SRGAP3: variants seen among roughly 807,000 people sequenced by gnomAD.
SRGAP3 encodes the protein SLIT-ROBO Rho GTPase-activating protein 3.
Under a neutral mutation model 121.1 loss-of-function variants are expected in SRGAP3, and 39 were observed. That is an observed-to-expected ratio of 0.32 (90% CI 0.25 to 0.42). SRGAP3 has a LOEUF of 0.42. Among genes scored for constraint, SRGAP3 ranks in the 10% least tolerant of loss-of-function variants. SRGAP3 has a pLI of 1.00. For synonymous variants in SRGAP3, 601 were observed against 570.0 expected (o/e 1.05, Z -0.77); for missense variants, 1,213 against 1,470.6 (o/e 0.82, Z 2.86).
At chr3:9,346,339 G>A (rs1237394493) in intron 1 of SRGAP3, among the ~76,000 whole-genome samples, 1 of 152,080 alleles carries the variant, frequency 6.6e-6, no homozygotes, top group African/African-American at 2.4e-5. Context: ...GAACTCCTGG[G>A]CTCAAGTGTT....
At chr3:9,238,020 A>T (rs1415457540) in intron 1 of SRGAP3, among the ~76,000 whole-genome samples, 1 of 152,180 alleles carries the variant, frequency 6.6e-6, no homozygotes, top group Non-Finnish European at 1.5e-5. Context: ...GATTGTCACA[A>T]CTGGGAGCAG....
rs1012246325 is a variant in SRGAP3 at position 9,101,707 on chromosome 3, A to G, written c.423+2973T>C. 1.4e-3 allele frequency among the ~76,000 whole-genome samples: 216 copies of G among 152,294 alleles called. 1 individual carries two copies. The highest frequency in any genetic ancestry group is 4.9e-3 in the African/African-American group (205 of 41,560). The stretch of plus-strand genomic sequence containing the variant: ...GTTCCTCTGAAGCCCCGCATGCCCG[A>G]AGCCAGGCTTATAACTAGTAAGGTC... On this transcript the variant is annotated intron_variant, in intron 3 of 21. Transcript: ENST00000383836.
At chr3:9,079,928 T>C (rs1947160952) in intron 4 of SRGAP3, 97 bp downstream of exon 4, 2 of 1,364,072 alleles carry the variant, frequency 1.5e-6, no homozygotes, top group Non-Finnish European at 1.0e-6. Flanking sequence ...AAAAAAGGCC[T>C]GGGGTCATTC....
chr3:9,015,750 C>T lies in SRGAP3; in HGVS notation c.1679-19G>A, dbSNP rs181811884. The T allele has an allele frequency of 4.8e-5, 78 of 1,613,908 alleles. No homozygotes were observed. Among genetic ancestry groups the T allele is most frequent in the Non-Finnish European group, 5.6e-5 (66 of 1,179,994 alleles). On this transcript the variant is annotated intron_variant, in intron 14 of 21. Coordinates refer to ENST00000383836, the MANE Select transcript of SRGAP3 (RefSeq NM_014850.4). ...TCTTCACCTGAGTGGAAACAAGAGA[C>T]GAGATGATATTTCAGCTTGGGAAGG...
intron 2 of SRGAP3, among the ~76,000 whole-genome samples, chr3:9,327,777 T>C (rs1955543616): frequency 6.6e-6 from 1 of 152,256 alleles, no homozygotes. Flanking sequence ...ATTTCTGGCA[T>C]AAATTCCATT....
At chr3:9,334,121 G>C (rs1005853311) in intron 1 of SRGAP3, among the ~76,000 whole-genome samples, 7 of 151,842 alleles carry the variant, frequency 4.6e-5, no homozygotes, top group African/African-American at 1.7e-4. Context: ...TGCTGTAAGA[G>C]TCAAACTAGA....
At chr3:9,059,101 C>A in intron 6 of SRGAP3, 1 of 154,156 alleles carries the variant, frequency 6.5e-6, no homozygotes, top group Non-Finnish European at 1.4e-5. Flanking sequence ...TCCAGGAAAG[C>A]TTCCTTGATG....
At chr3:9,223,791 T>C (rs1427532950) in intron 1 of SRGAP3, among the ~76,000 whole-genome samples, 1 of 152,226 alleles carries the variant, frequency 6.6e-6, no homozygotes, top group Non-Finnish European at 1.5e-5. Flanking sequence ...AAGAACCTGC[T>C]GATTCTGAAG....
Position 9,093,317 on chromosome 3 carries a change from C to T in SRGAP3, c.423+11363G>A, listed in dbSNP as rs957281677. On this transcript the variant is annotated intron_variant, in intron 3 of 21. Coordinates refer to ENST00000383836, the MANE Select transcript of SRGAP3 (RefSeq NM_014850.4). Reference sequence around the variant, plus strand: ...AGGATGTAAATGAGGTTTGCATTGGCATTTCAAAAATGTCTCTACCTATGT... The same window carrying T: ...AGGATGTAAATGAGGTTTGCATTGGTATTTCAAAAATGTCTCTACCTATGT... Among the ~76,000 whole-genome samples the T allele has an allele frequency of 2.0e-5, 3 of 152,280 alleles. No homozygotes were observed. In the East Asian group the frequency reaches 5.8e-4, roughly 29 times the overall value.
chr3:9,069,111 C>A (rs1391412872), intron 4 of SRGAP3, among the ~76,000 whole-genome samples: 1 of 152,132 alleles, frequency 6.6e-6, no homozygotes. Flanking sequence ...AGAGCCTGGG[C>A]CTACTGAACA....
At chr3:9,253,346 G>A (rs911647599), upstream of SRGAP3, among the ~76,000 whole-genome samples, 2 of 151,974 alleles carry the variant, frequency 1.3e-5, no homozygotes, top group South Asian at 2.1e-4. Context: ...GGAGTTCAAC[G>A]TAAAGTTTTC....
intron 18 of SRGAP3, among the ~76,000 whole-genome samples, chr3:8,995,365 A>C (rs1942332896): frequency 6.6e-6 from 1 of 151,902 alleles, no homozygotes; most frequent in Non-Finnish European, 1.5e-5. Context: ...GGTGCCAGCT[A>C]CTCTAGGGCC....
At chr3:9,050,318 T>C (rs1560009133) in intron 9 of SRGAP3, among the ~76,000 whole-genome samples, 1 of 152,242 alleles carries the variant, frequency 6.6e-6, no homozygotes, top group Non-Finnish European at 1.5e-5. Flanking sequence ...CTGTCCACCG[T>C]GTCTCACTGC....
intron 1 of SRGAP3, among the ~76,000 whole-genome samples, chr3:9,172,182 C>T (rs1393670225): frequency 6.6e-6 from 1 of 151,562 alleles, no homozygotes; most frequent in East Asian, 1.9e-4. Context: ...CAACCTCCAC[C>T]TCCTGGGCTC....
intron 5 of SRGAP3, among the ~76,000 whole-genome samples, chr3:9,062,591 T>C (rs1466184331): frequency 6.6e-6 from 1 of 152,206 alleles, no homozygotes; most frequent in Non-Finnish European, 1.5e-5. Context: ...TAGATTTGTC[T>C]ATGCTGGACA....
chr3:9,328,359 T>G (rs1392114968), intron 2 of SRGAP3, among the ~76,000 whole-genome samples: 2 of 152,230 alleles, frequency 1.3e-5, no homozygotes, highest in African/African-American at 4.8e-5. Context: ...TCTTAATTGG[T>G]TATAGGCTTT....
intron 17 of SRGAP3, among the ~76,000 whole-genome samples, chr3:9,012,473 C>T (rs897751421): frequency 6.6e-6 from 1 of 152,204 alleles, no homozygotes; most frequent in Non-Finnish European, 1.5e-5. Context: ...CCTGGGGAAG[C>T]TTTTAAAGCC....
At chr3:9,217,372 G>A (rs866181758) in intron 1 of SRGAP3, 1 of 152,074 alleles carries the variant, frequency 6.6e-6, no homozygotes, top group African/African-American at 2.4e-5. Context: ...GGGCCTCATT[G>A]AGATGCCAGA....
chr3:9,292,462 T>G (rs1282028503), intron 3 of SRGAP3: 1 of 152,182 alleles, frequency 6.6e-6, no homozygotes, highest in African/African-American at 2.4e-5. Flanking sequence ...AAATAGTCAC[T>G]TATTGTCCAT....
Sources: allele counts gnomAD v4.1 joint callset (sites outside exome capture counted in the v4.1 genomes callset), GRCh38; gene constraint gnomAD v4.1.1; transcripts MANE v1.5; gene names NCBI Gene and HGNC (gene_info 2026-07-23, HGNC 2026-07-21).